The following SKIC2 variants were observed in gnomAD, a reference collection of about 807,000 sequenced individuals.
SKIC2 encodes the protein superkiller complex protein 2.
chr6:31,967,697 C>T, the SKIC2 span: 1 of 1,612,122 alleles, frequency 6.2e-7, no homozygotes, highest in Non-Finnish European at 8.5e-7. This position sits in a 1 kb window ranked among gnomAD's most constrained non-coding sequence, Gnocchi z 4.9. Flanking sequence ...CTCTCCTGGC[C>T]TCTCTGACCA....
the SKIC2 span, chr6:31,968,307 T>G: frequency 6.2e-7 from 1 of 1,600,316 alleles, no homozygotes; most frequent in East Asian, 2.2e-5. This position sits in a 1 kb window ranked among gnomAD's most constrained non-coding sequence, Gnocchi z 6.1. Context: ...CCCCAGATCT[T>G]AAGATCTGCT....
chr6:31,963,425 T>A, the SKIC2 span: 1 of 1,577,140 alleles, frequency 6.3e-7, no homozygotes, highest in Non-Finnish European at 8.6e-7. The surrounding 1 kb of genome is among the most constrained non-coding windows in gnomAD (Gnocchi z 5.3). Context: ...GGCTGAAGCG[T>A]CGTCAGATCT....
At chr6:31,969,122 G>A in the SKIC2 span, 1 of 1,593,886 alleles carries the variant, frequency 6.3e-7, no homozygotes, top group South Asian at 1.1e-5. The surrounding 1 kb of genome is among the most constrained non-coding windows in gnomAD (Gnocchi z 6.1). Context: ...CCCTGCCAGG[G>A]CTGTGGCATT....
At chr6:31,960,643 C>T in the SKIC2 span, 16 of 1,586,386 alleles carry the variant, frequency 1.0e-5, no homozygotes, top group Non-Finnish European at 1.4e-5. Flanking sequence ...CCATGAATCC[C>T]TGTCTGTCCT....
the SKIC2 span, chr6:31,960,348 A>C: frequency 6.2e-7 from 1 of 1,608,500 alleles, no homozygotes; most frequent in Non-Finnish European, 8.5e-7. Flanking sequence ...GTAGGAGGTC[A>C]GGGGTCATGA....
chr6:31,959,338 G>A, the SKIC2 span: 2 of 1,613,948 alleles, frequency 1.2e-6, no homozygotes, highest in East Asian at 4.5e-5. Context: ...CCTTCGGGCC[G>A]TGGAGCTCGG....
the SKIC2 span, chr6:31,960,864 C>T: frequency 1.1e-6 from 1 of 906,092 alleles, no homozygotes. Context: ...ACAACCTTTA[C>T]TGTCATCTGC....
chr6:31,964,750 G>T, the SKIC2 span, among the ~76,000 whole-genome samples: 2 of 152,198 alleles, frequency 1.3e-5, no homozygotes, highest in Admixed American at 1.3e-4. The surrounding 1 kb of genome is among the most constrained non-coding windows in gnomAD (Gnocchi z 5.0). Flanking sequence ...CAGAGATATA[G>T]GAGGTTGTAG....
the SKIC2 span, chr6:31,962,947 C>T: frequency 6.6e-7 from 1 of 1,526,310 alleles, no homozygotes; most frequent in Non-Finnish European, 9.1e-7. This position sits in a 1 kb window ranked among gnomAD's most constrained non-coding sequence, Gnocchi z 5.0. Flanking sequence ...AGGGCGGCCC[C>T]TGCCCTCATG....
At chr6:31,961,658 C>T in the SKIC2 span, 7 of 1,612,518 alleles carry the variant, frequency 4.3e-6, no homozygotes, top group East Asian at 1.3e-4. Flanking sequence ...TCGCCTCATT[C>T]CCCAGCCAGC....
the SKIC2 span, chr6:31,960,417 G>A: frequency 2.5e-6 from 4 of 1,608,382 alleles, no homozygotes; most frequent in African/African-American, 5.3e-5. Flanking sequence ...TTGGGGCTCT[G>A]ATCTCTTGCC....
the SKIC2 span, chr6:31,961,328 C>A: frequency 1.3e-6 from 2 of 1,592,366 alleles, no homozygotes; most frequent in Non-Finnish European, 1.7e-6. Context: ...ACTGTTTCAG[C>A]CTCTCCCTGC....
chr6:31,965,345 G>A, the SKIC2 span, among the ~76,000 whole-genome samples: 1 of 152,098 alleles, frequency 6.6e-6, no homozygotes, highest in African/African-American at 2.4e-5. This position sits in a 1 kb window ranked among gnomAD's most constrained non-coding sequence, Gnocchi z 5.6. Flanking sequence ...TGCAGCAGTT[G>A]GAAGCAGTGG....
At chr6:31,961,828 C>A in the SKIC2 span, 1 of 1,577,068 alleles carries the variant, frequency 6.3e-7, no homozygotes, top group Non-Finnish European at 8.7e-7. Flanking sequence ...CCTTCATCCG[C>A]CCGCCCTGCG....
At chr6:31,963,238 C>A in the SKIC2 span, 6 of 809,196 alleles carry the variant, frequency 7.4e-6, no homozygotes, top group Non-Finnish European at 1.2e-5. The surrounding 1 kb of genome is among the most constrained non-coding windows in gnomAD (Gnocchi z 5.3). Context: ...GCTGTGGGAT[C>A]CCCTTTGGGT....
chr6:31,960,620 T>C, the SKIC2 span: 1 of 1,582,050 alleles, frequency 6.3e-7, no homozygotes. Flanking sequence ...ACCTATCTCG[T>C]ATTACCCTCA....
the SKIC2 span, chr6:31,966,101 C>T: frequency 1.1e-6 from 1 of 933,474 alleles, no homozygotes. This position sits in a 1 kb window ranked among gnomAD's most constrained non-coding sequence, Gnocchi z 5.9. Context: ...TTTTCTTCTT[C>T]CTTTTTTTTT....
chr6:31,961,209 A>G, the SKIC2 span: 38 of 1,614,144 alleles, frequency 2.4e-5, no homozygotes, highest in Non-Finnish European at 3.2e-5. Context: ...GTCCAACTCC[A>G]GCTCCTGGAC....
the SKIC2 span, chr6:31,959,369 T>A: frequency 6.2e-7 from 1 of 1,613,766 alleles, no homozygotes; most frequent in South Asian, 1.1e-5. Context: ...CACTGGGAGC[T>A]GCTGAACTTG....
Sources: allele counts gnomAD v4.1 joint callset (sites outside exome capture counted in the v4.1 genomes callset), GRCh38; gene constraint gnomAD v4.1.1; non-coding constraint Gnocchi (gnomAD v3.1); transcripts MANE v1.5; gene names NCBI Gene and HGNC (gene_info 2026-07-23, HGNC 2026-07-21).